ZDHHC14: variants seen among roughly 807,000 people sequenced by gnomAD.
ZDHHC14 encodes the protein palmitoyltransferase ZDHHC14.
Under a neutral mutation model 47.7 loss-of-function variants are expected in ZDHHC14, and 16 were observed. The ratio of observed to expected loss-of-function variants is 0.34; its 90% CI spans 0.23 to 0.51. The LOEUF (loss-of-function observed/expected upper bound fraction) is 0.51. ZDHHC14 is among the 20% of genes least tolerant of loss of function. The probability of loss-of-function intolerance (pLI) is 0.97; values close to 1 mark genes in which losing one functional copy is unlikely to be tolerated. For missense variants in ZDHHC14, 515 were observed against 662.5 expected (o/e 0.78, Z 2.44); for synonymous variants, 293 against 278.9 (o/e 1.05, Z -0.50).
Position 157,646,170 on chromosome 6 carries a change from C to A in ZDHHC14, c.855+331C>A, listed in dbSNP as rs551341370. The A allele has an allele frequency of 3.9e-5, 8 of 204,092 alleles. 1 individual carries two copies. The South Asian group carries it at 8.6e-4, about 22-fold the overall frequency. 12.6% of individuals were successfully genotyped at this position (204,092 alleles called of 1,614,324 possible). A position where few individuals can be genotyped will look rare whatever the true frequency, so the allele number is the denominator to read the frequency against. ...CTTATCACACTTCCCCTGGTAGAGA[C>A]CATGGCGGGCCAACATCTTGGAGTG... On this transcript the variant is annotated intron_variant, in intron 6 of 8. Transcript: ENST00000359775.
At chr6:157,422,621 C>T (rs1487526704) in intron 1 of ZDHHC14, among the ~76,000 whole-genome samples, 1 of 152,140 alleles carries the variant, frequency 6.6e-6, no homozygotes, top group Non-Finnish European at 1.5e-5. Flanking sequence ...GCAGACTCTA[C>T]ACTCTGTTTT....
At chr6:157,573,149 A>G (rs1419663595) in intron 2 of ZDHHC14, among the ~76,000 whole-genome samples, 2 of 143,544 alleles carry the variant, frequency 1.4e-5, no homozygotes, top group African/African-American at 4.9e-5. Context: ...TGCACTCGCC[A>G]TCCCCCTTTC....
chr6:157,609,412 T>G (rs577041874), intron 3 of ZDHHC14, among the ~76,000 whole-genome samples: 2 of 152,284 alleles, frequency 1.3e-5, no homozygotes, highest in East Asian at 3.9e-4. Flanking sequence ...TGTAGGGTGA[T>G]GGCCACTCCA....
intron 1 of ZDHHC14, among the ~76,000 whole-genome samples, chr6:157,397,345 G>A (rs369192152): frequency 6.8e-4 from 103 of 152,328 alleles, no homozygotes; most frequent in African/African-American, 2.4e-3. Context: ...TACATCAGAA[G>A]TCTAGTCTAA....
chr6:157,488,766 G>A (rs761668062), intron 1 of ZDHHC14, among the ~76,000 whole-genome samples: 47 of 152,316 alleles, frequency 3.1e-4, no homozygotes, highest in African/African-American at 6.0e-4. Flanking sequence ...CCTCACAGAC[G>A]TGTCTTTAAG....
At chr6:157,645,861 A>G (rs2114981092) in intron 6 of ZDHHC14, 22 bp downstream of exon 6, 1 of 1,605,990 alleles carries the variant, frequency 6.2e-7, no homozygotes, top group Non-Finnish European at 8.5e-7. Flanking sequence ...ACCACACGGG[A>G]CACGGGCGTG....
chr6:157,524,443 T>A (rs1444437437), intron 1 of ZDHHC14, among the ~76,000 whole-genome samples: 1 of 152,110 alleles, frequency 6.6e-6, no homozygotes, highest in Non-Finnish European at 1.5e-5. Flanking sequence ...ATATTTGCAA[T>A]TTTTTTTAAT....
At chr6:157,594,488 T>A (rs554796288) in intron 3 of ZDHHC14, among the ~76,000 whole-genome samples, 1 of 152,218 alleles carries the variant, frequency 6.6e-6, no homozygotes. Context: ...ATCTCTGCGG[T>A]GGGGTTGATA....
chr6:157,639,597 C>T (rs186922959), intron 5 of ZDHHC14, among the ~76,000 whole-genome samples: 47 of 152,320 alleles, frequency 3.1e-4, no homozygotes, highest in Admixed American at 3.3e-4. Context: ...CCACTGCACC[C>T]GGCAAGAACA....
intron 1 of ZDHHC14, among the ~76,000 whole-genome samples, chr6:157,448,823 G>A (rs899426977): frequency 6.6e-6 from 1 of 152,178 alleles, no homozygotes; most frequent in South Asian, 2.1e-4. Context: ...TGATCTGCCC[G>A]CCTCGGCCTT....
chr6:157,561,217 C>T (rs935042901), intron 2 of ZDHHC14, among the ~76,000 whole-genome samples: 3 of 149,074 alleles, frequency 2.0e-5, no homozygotes, highest in East Asian at 1.9e-4. Flanking sequence ...CAATCTATCC[C>T]GTGTGTGGAA....
At chr6:157,656,492 A>G (rs932215792) in intron 8 of ZDHHC14, among the ~76,000 whole-genome samples, 3 of 151,506 alleles carry the variant, frequency 2.0e-5, no homozygotes, top group African/African-American at 7.3e-5. Flanking sequence ...CCGCCACCAC[A>G]CCCAGCTAAT....
intron 3 of ZDHHC14, among the ~76,000 whole-genome samples, chr6:157,620,165 G>A (rs889193594): frequency 6.6e-6 from 1 of 152,194 alleles, no homozygotes; most frequent in Admixed American, 6.5e-5. Context: ...GGGTTCTGGA[G>A]GCTGGAAAGT....
At chr6:157,532,656 C>A (rs1437120868) in intron 1 of ZDHHC14, among the ~76,000 whole-genome samples, 1 of 152,186 alleles carries the variant, frequency 6.6e-6, no homozygotes, top group African/African-American at 2.4e-5. Flanking sequence ...TCACATTCCT[C>A]CAAGAAGTTG....
intron 3 of ZDHHC14, among the ~76,000 whole-genome samples, chr6:157,616,715 C>CG (rs1784978977): frequency 6.6e-6 from 1 of 152,144 alleles, no homozygotes; most frequent in African/African-American, 2.4e-5. Flanking sequence ...ACAGATACTT[C>CG]GGGGGGATCA....
chr6:157,473,993 T>C lies in ZDHHC14; in HGVS notation c.246-68592T>C, dbSNP rs911176694. On this transcript the variant is annotated intron_variant, in intron 1 of 8. Coordinates refer to ENST00000359775, the MANE Select transcript of ZDHHC14 (RefSeq NM_024630.3). ...CCTATACCATATTTTCTTTTCTTTT[T>C]TTTTTTTTTTTTTGAGACGGAGTCT... is the stretch of plus-strand genomic sequence containing the variant. Among the ~76,000 whole-genome samples, 18 of 149,570 alleles carry C rather than the reference T, an allele frequency of 1.2e-4. 1 individual carries two copies. The highest frequency in any genetic ancestry group is 2.0e-4 in the Admixed American group (3 of 15,066).
intron 1 of ZDHHC14, among the ~76,000 whole-genome samples, chr6:157,480,547 G>A (rs756417820): frequency 7.2e-5 from 11 of 152,230 alleles, no homozygotes; most frequent in Admixed American, 1.3e-4. Flanking sequence ...GATTACAGGC[G>A]TGAGTCACTG....
chr6:157,660,605 C>G (rs993851124), intron 8 of ZDHHC14, among the ~76,000 whole-genome samples: 1 of 152,192 alleles, frequency 6.6e-6, no homozygotes. Context: ...TAATTTATTA[C>G]AATCTGTCGC....
chr6:157,542,290 G>A (rs533001233), intron 1 of ZDHHC14, among the ~76,000 whole-genome samples: 5 of 152,268 alleles, frequency 3.3e-5, no homozygotes, highest in East Asian at 1.9e-4. Flanking sequence ...AGCTCTGTGC[G>A]TCTTAGACTG....
Sources: gnomAD v4.1 joint callset for allele counts (sites outside exome capture counted in the v4.1 genomes callset) on GRCh38, gnomAD v4.1.1 for gene constraint, MANE v1.5 for transcripts, NCBI Gene and HGNC (gene_info 2026-07-23, HGNC 2026-07-21) for gene names.